The following BRD10 variants were observed in gnomAD, a reference collection of about 807,000 sequenced individuals.
BRD10 encodes bromodomain containing 10.
chr9:5,980,500 A>C, the BRD10 span, among the ~76,000 whole-genome samples: 1 of 152,220 alleles, frequency 6.6e-6, no homozygotes, highest in African/African-American at 2.4e-5. Flanking sequence ...ATACTGCACA[A>C]GGAAGGTAAT....
chr9:5,979,337 G>C, the BRD10 span, among the ~76,000 whole-genome samples: 1 of 152,098 alleles, frequency 6.6e-6, no homozygotes, highest in Non-Finnish European at 1.5e-5. Flanking sequence ...AATATAGTGA[G>C]ACCTCGTCTT....
the BRD10 span, chr9:5,910,825 A>T: frequency 1.3e-5 from 2 of 152,206 alleles, no homozygotes; most frequent in Non-Finnish European, 2.9e-5. Context: ...GACTCCTTGG[A>T]TTGGAAACCA....
chr9:5,991,620 G>A, the BRD10 span, among the ~76,000 whole-genome samples: 7,755 of 151,774 alleles, frequency 0.051, 343 homozygotes, highest in South Asian at 0.13. Flanking sequence ...AGCTACGCGG[G>A]AGGCTGAGGC....
the BRD10 span, among the ~76,000 whole-genome samples, chr9:5,918,416 A>C: frequency 1.3e-5 from 2 of 152,202 alleles, no homozygotes; most frequent in Non-Finnish European, 2.9e-5. Flanking sequence ...GCTACCTTTT[A>C]TTTAAAACGA....
At chr9:6,007,317 G>C in the BRD10 span, 5 of 1,613,796 alleles carry the variant, frequency 3.1e-6, no homozygotes, top group East Asian at 2.2e-5. Context: ...AGTCCGCCAC[G>C]AACTCGGTGA....
chr9:5,922,183 A>G, the BRD10 span: 2 of 1,614,012 alleles, frequency 1.2e-6, no homozygotes, highest in Non-Finnish European at 1.7e-6. Context: ...TTATGCACAC[A>G]GTTTTCAGCT....
chr9:5,908,615 T>C, the BRD10 span: 1 of 1,603,818 alleles, frequency 6.2e-7, no homozygotes, highest in Non-Finnish European at 8.5e-7. Context: ...GCCAAGCCCA[T>C]ATTCTCCCTT....
At chr9:5,884,312 T>C in the BRD10 span, among the ~76,000 whole-genome samples, 1 of 152,196 alleles carries the variant, frequency 6.6e-6, no homozygotes, top group Non-Finnish European at 1.5e-5. Context: ...GTTCTGTGAC[T>C]CAACACAGCC....
At chr9:5,938,615 T>C in the BRD10 span, among the ~76,000 whole-genome samples, 2 of 152,060 alleles carry the variant, frequency 1.3e-5, no homozygotes, top group African/African-American at 2.4e-5. Context: ...ATTCAGAAAA[T>C]AGTTACCTAA....
At chr9:5,988,101 A>C in the BRD10 span, among the ~76,000 whole-genome samples, 2 of 152,374 alleles carry the variant, frequency 1.3e-5, no homozygotes, top group South Asian at 2.1e-4. Flanking sequence ...TTGAGAATGA[A>C]TACTACTAGA....
the BRD10 span, among the ~76,000 whole-genome samples, chr9:5,924,051 G>A: frequency 3.3e-5 from 5 of 152,004 alleles, no homozygotes; most frequent in Non-Finnish European, 7.4e-5. Flanking sequence ...CATCAACCAT[G>A]GTAATTCCTG....
the BRD10 span, among the ~76,000 whole-genome samples, chr9:5,943,592 T>A: frequency 6.8e-6 from 1 of 147,812 alleles, no homozygotes; most frequent in South Asian, 2.1e-4. Context: ...GACATTTACA[T>A]AACATAAATA....
At chr9:5,946,515 T>A in the BRD10 span, among the ~76,000 whole-genome samples, 48 of 152,206 alleles carry the variant, frequency 3.2e-4, no homozygotes, top group African/African-American at 1.2e-3. Flanking sequence ...CTATGAAGAC[T>A]TGGAACAATG....
the BRD10 span, among the ~76,000 whole-genome samples, chr9:5,914,648 C>T: frequency 1.3e-5 from 2 of 151,938 alleles, no homozygotes; most frequent in South Asian, 4.2e-4. Flanking sequence ...TGGTCTCGAT[C>T]TCCTGACCTC....
chr9:5,950,322 T>C, the BRD10 span, among the ~76,000 whole-genome samples: 1 of 152,174 alleles, frequency 6.6e-6, no homozygotes, highest in East Asian at 1.9e-4. Flanking sequence ...ACCTGCTTAT[T>C]TGAAAACAAT....
At chr9:5,987,701 C>G in the BRD10 span, among the ~76,000 whole-genome samples, 1 of 152,158 alleles carries the variant, frequency 6.6e-6, no homozygotes, top group South Asian at 2.1e-4. Context: ...CATTAGTAAT[C>G]ACTCCTAACA....
the BRD10 span, among the ~76,000 whole-genome samples, chr9:5,915,576 G>A: frequency 6.6e-6 from 1 of 152,116 alleles, no homozygotes; most frequent in Admixed American, 6.5e-5. Context: ...AAATTCAACT[G>A]CTGTGTTCCC....
the BRD10 span, among the ~76,000 whole-genome samples, chr9:5,933,349 A>C: frequency 6.6e-6 from 1 of 152,234 alleles, no homozygotes; most frequent in Non-Finnish European, 1.5e-5. Context: ...AGGGACAAGC[A>C]GTATTTTTCT....
chr9:5,965,330 C>A, the BRD10 span, among the ~76,000 whole-genome samples: 1 of 151,678 alleles, frequency 6.6e-6, no homozygotes, highest in Non-Finnish European at 1.5e-5. Flanking sequence ...AAAAAAAACA[C>A]TACGTTAAAC....
Sources: gnomAD v4.1 joint callset for allele counts (sites outside exome capture counted in the v4.1 genomes callset) on GRCh38, gnomAD v4.1.1 for gene constraint, MANE v1.5 for transcripts, NCBI Gene and HGNC (gene_info 2026-07-23, HGNC 2026-07-21) for gene names.